ZNF536: variants seen among roughly 807,000 people sequenced by gnomAD.
ZNF536 encodes the protein zinc finger protein 536.
In ZNF536, 13 loss-of-function variants were observed where a neutral mutation model predicts 84.5. That is an observed-to-expected ratio of 0.15 (90% CI 0.10 to 0.24). The LOEUF (loss-of-function observed/expected upper bound fraction) is 0.24. ZNF536 is among the 10% of genes least tolerant of loss of function. The pLI is 1.00. For synonymous variants in ZNF536, 811 were observed against 742.5 expected, an observed-to-expected ratio of 1.09 and a Z score of -1.50; for missense variants, 1,536 against 1,747.5, an observed-to-expected ratio of 0.88 and a Z score of 2.16.
intron 1 of ZNF536, among the ~76,000 whole-genome samples, chr19:30,565,686 C>G (rs187440522): frequency 6.6e-6 from 1 of 152,218 alleles, no homozygotes; most frequent in Admixed American, 6.5e-5. Flanking sequence ...AAACCCTCAC[C>G]CCCTCCCACA....
chr19:30,363,510 C>T (rs993123162), intron 3 of ZNF536, among the ~76,000 whole-genome samples: 5 of 152,042 alleles, frequency 3.3e-5, no homozygotes, highest in South Asian at 2.1e-4. Flanking sequence ...CTACTCTACC[C>T]GGAACCACCA....
At position 30,345,066 on chromosome 19, in the gene ZNF536, T is replaced by C. The variant is rs559220411; in HGVS notation, c.-119-7302T>C. On this transcript the variant is annotated intron_variant, in intron 2 of 5. Coordinates refer to the ZNF536 transcript ENST00000585628. Reference sequence around the variant, plus strand: ...AACTCGGTACCAGGCATATTATTTTTCTAAATTAATTAATACTAATTCATG... The same window carrying C: ...AACTCGGTACCAGGCATATTATTTTCCTAAATTAATTAATACTAATTCATG... Among the ~76,000 whole-genome samples, 8 of 152,384 alleles carry C rather than the reference T, an allele frequency of 5.2e-5. No individual in the cohort carries two copies. In the South Asian group the frequency reaches 1.7e-3, roughly 32 times the overall value.
chr19:30,302,630 C>T (rs1292535601), intron 2 of ZNF536, among the ~76,000 whole-genome samples: 2 of 152,154 alleles, frequency 1.3e-5, no homozygotes, highest in Admixed American at 6.5e-5. Context: ...TACAATGCTA[C>T]AGGGCCAAGG....
chr19:30,648,359 A>G (rs1006974237), intron 1 of ZNF536, among the ~76,000 whole-genome samples: 4 of 152,276 alleles, frequency 2.6e-5, no homozygotes, highest in African/African-American at 4.8e-5. Context: ...CATCACTCTC[A>G]GGTTGTAAAT....
intron 1 of ZNF536, among the ~76,000 whole-genome samples, chr19:30,405,827 G>A (rs2050240701): frequency 6.6e-6 from 1 of 151,550 alleles, no homozygotes; most frequent in African/African-American, 2.4e-5. Flanking sequence ...TCCCAGGTTG[G>A]AGTGCACTGG....
rs77520413 is a variant in ZNF536, at chr19:30,327,003, C to T, written c.-119-25365C>T. Among the ~76,000 whole-genome samples, 59 of 151,486 alleles carry T rather than the reference C, an allele frequency of 3.9e-4. 1 individual carries two copies. Among genetic ancestry groups the T allele is most frequent in the African/African-American group, 1.3e-3 (53 of 41,264 alleles). ...ACACCTATAGTCCCAGCTACTCAGG[C>T]GCGGTCTTATTGATTTGGGTGTTGT... On this transcript the variant is annotated intron_variant, in intron 2 of 5. Coordinates refer to the ZNF536 transcript ENST00000585628.
In ZNF536 at chr19:30,246,918, C is replaced by G. The variant is rs558891272; in HGVS notation, c.-190+18245C>G. On this transcript the variant is annotated intron_variant, in intron 1 of 5. Coordinates refer to the ZNF536 transcript ENST00000585628. ...AGCCAGACATTTTGGGAGTGAAATT[C>G]TCATCATGAATGGGTTCCTTGATGT... Among the ~76,000 whole-genome samples the G allele has an allele frequency of 1.1e-4, 16 of 152,266 alleles. No individual in the cohort carries two copies. The East Asian group carries it at 1.3e-3, about 13-fold the overall frequency.
intron 1 of ZNF536, among the ~76,000 whole-genome samples, chr19:30,624,281 C>T (rs1032118171): frequency 1.3e-5 from 2 of 152,146 alleles, no homozygotes; most frequent in South Asian, 4.1e-4. Context: ...TCTATGAAAG[C>T]TTTTAGCATC....
chr19:30,693,088 G>T (rs1378758417), intron 1 of ZNF536, among the ~76,000 whole-genome samples: 1 of 152,214 alleles, frequency 6.6e-6, no homozygotes, highest in East Asian at 1.9e-4. Flanking sequence ...TGCTACTAGT[G>T]TGTGCTTGCA....
At position 30,449,972 on chromosome 19, in the gene ZNF536, C is replaced by T. The variant is rs72623838; in HGVS notation, c.2170+4240C>T. Reference sequence around the variant, plus strand: ...GGCTCCCCCTCCCTGCCCCCGTTCACGATAACCGGTGCCTGCTCCACACAC... The same window carrying T: ...GGCTCCCCCTCCCTGCCCCCGTTCATGATAACCGGTGCCTGCTCCACACAC... On this transcript the variant is annotated intron_variant, in intron 2 of 4. Transcript: ENST00000355537. Among the ~76,000 whole-genome samples, 706 of 151,902 alleles carry T rather than the reference C, an allele frequency of 4.6e-3. 38 individuals carry two copies. In the East Asian group the frequency reaches 0.12, roughly 25 times the overall value.
chr19:30,420,717 T>C (rs190848371), intron 1 of ZNF536, among the ~76,000 whole-genome samples: 1 of 152,312 alleles, frequency 6.6e-6, no homozygotes, highest in East Asian at 1.9e-4. Context: ...TGAAGTTAAA[T>C]CCCATCTATT....
chr19:30,284,804 A>G (rs1405761416), intron 2 of ZNF536, among the ~76,000 whole-genome samples: 1 of 152,236 alleles, frequency 6.6e-6, no homozygotes. Context: ...AGGTCACTAC[A>G]TAAACCAGGG....
intron 1 of ZNF536, among the ~76,000 whole-genome samples, chr19:30,651,236 A>G (rs923688418): frequency 6.6e-6 from 1 of 152,218 alleles, no homozygotes; most frequent in Non-Finnish European, 1.5e-5. Context: ...GACAAAGGCG[A>G]GGGAGGTGCC....
intron 2 of ZNF536, among the ~76,000 whole-genome samples, chr19:30,506,899 A>G (rs1231795293): frequency 6.6e-6 from 1 of 152,212 alleles, no homozygotes. Flanking sequence ...TTGCCCTGAG[A>G]TAATCATTCT....
At chr19:30,559,141 A>T (rs2040281113), downstream of ZNF536, among the ~76,000 whole-genome samples, 1 of 152,228 alleles carries the variant, frequency 6.6e-6, no homozygotes, top group South Asian at 2.1e-4. Flanking sequence ...AGAAGACACG[A>T]TAAAAGCTTC....
intron 2 of ZNF536, among the ~76,000 whole-genome samples, chr19:30,349,708 TC>T (rs1389694409): frequency 6.6e-6 from 1 of 151,980 alleles, no homozygotes; most frequent in Non-Finnish European, 1.5e-5. Flanking sequence ...CAACTAGCCA[TC>T]TTTTTGCCTG....
At position 30,462,619 on chromosome 19, in the gene ZNF536, G is replaced by A. The variant is rs2148437186; in HGVS notation, c.2170+16887G>A. Reference sequence around the variant, plus strand: ...TCAGTATCTTTGTGGTTATTGGGAAGTGTTAGGATGTGGCATTTGGGTGTG... The same window carrying A: ...TCAGTATCTTTGTGGTTATTGGGAAATGTTAGGATGTGGCATTTGGGTGTG... On this transcript the variant is annotated intron_variant, in intron 2 of 4. Coordinates refer to ENST00000355537, the MANE Select transcript of ZNF536 (RefSeq NM_014717.3). Among the ~76,000 whole-genome samples the A allele has an allele frequency of 2.0e-5, 3 of 152,052 alleles. No individual in the cohort carries two copies. In the Middle Eastern group the frequency reaches 0.01, roughly 517 times the overall value.
chr19:30,527,575 A>G (rs2044640014), intron 2 of ZNF536, among the ~76,000 whole-genome samples: 1 of 152,118 alleles, frequency 6.6e-6, no homozygotes, highest in African/African-American at 2.4e-5. Context: ...TGGCCACCAT[A>G]AAATTGAGCA....
At chr19:30,452,834 C>T (rs1011499054) in intron 2 of ZNF536, among the ~76,000 whole-genome samples, 12 of 152,134 alleles carry the variant, frequency 7.9e-5, no homozygotes, top group African/African-American at 2.9e-4. Flanking sequence ...TCTCACCTCC[C>T]TTCGTCTTCC....
Sources: gnomAD v4.1 joint callset for allele counts (sites outside exome capture counted in the v4.1 genomes callset) on GRCh38, gnomAD v4.1.1 for gene constraint, MANE v1.5 for transcripts, NCBI Gene and HGNC (gene_info 2026-07-23, HGNC 2026-07-21) for gene names.